PTPRM: variants seen among roughly 807,000 people sequenced by gnomAD.
PTPRM encodes the protein receptor-type tyrosine-protein phosphatase mu.
PTPRM carries 47 observed loss-of-function variants against 186.7 expected under a neutral mutation model. The observed-to-expected ratio is 0.25, with a 90% CI of 0.20 to 0.32. PTPRM has a LOEUF of 0.32. Ranked by LOEUF, PTPRM falls within the 10% of genes least tolerant of loss-of-function variation. The pLI is 1.00. For synonymous variants in PTPRM, 668 were observed against 674.9 expected, an observed-to-expected ratio of 0.99 and a Z score of 0.16; for missense variants, 1,494 against 1,865.0, an observed-to-expected ratio of 0.80 and a Z score of 3.66.
At chr18:8,339,978 C>A (rs1467745226) in intron 22 of PTPRM, among the ~76,000 whole-genome samples, 1 of 151,710 alleles carries the variant, frequency 6.6e-6, no homozygotes, top group Non-Finnish European at 1.5e-5. Context: ...CTATTTTCTA[C>A]CCTCAAAAAA....
At chr18:7,661,389 G>A (rs2038977454) in intron 1 of PTPRM, among the ~76,000 whole-genome samples, 1 of 152,182 alleles carries the variant, frequency 6.6e-6, no homozygotes, top group African/African-American at 2.4e-5. Flanking sequence ...TGCTCATGTG[G>A]GATTCTTGCC....
intron 1 of PTPRM, among the ~76,000 whole-genome samples, chr18:7,757,132 C>T (rs2041536921): frequency 1.3e-5 from 2 of 152,238 alleles, no homozygotes; most frequent in South Asian, 4.1e-4. Flanking sequence ...CCAGCTACAC[C>T]TTAAATGCCT....
chr18:7,711,960 C>T (rs1316879757), intron 1 of PTPRM, among the ~76,000 whole-genome samples: 1 of 152,166 alleles, frequency 6.6e-6, no homozygotes, highest in Non-Finnish European at 1.5e-5. Context: ...CAGCAAATCT[C>T]CTAGCACAGC....
chr18:7,734,632 A>G (rs2040729135), intron 1 of PTPRM, among the ~76,000 whole-genome samples: 1 of 152,186 alleles, frequency 6.6e-6, no homozygotes, highest in Non-Finnish European at 1.5e-5. Flanking sequence ...CAGATCTATT[A>G]CCTATGTTAA....
intron 14 of PTPRM, among the ~76,000 whole-genome samples, chr18:8,192,988 GA>G (rs955915397): frequency 4.6e-5 from 7 of 152,284 alleles, no homozygotes; most frequent in African/African-American, 1.4e-4. Flanking sequence ...AGCAGCTACA[GA>G]AAGCATGTGG....
At chr18:7,694,048 C>T (rs1365652251) in intron 1 of PTPRM, among the ~76,000 whole-genome samples, 1 of 152,190 alleles carries the variant, frequency 6.6e-6, no homozygotes, top group Non-Finnish European at 1.5e-5. Context: ...AGTCATGTTG[C>T]TTTCTGCCAT....
rs569556260 is a variant in PTPRM at position 7,904,446 on chromosome 18, G to T, written c.469-2059G>T. The stretch of plus-strand genomic sequence containing the variant: ...TCATCTTCCTCCATTCCTACCCCTG[G>T]CAACCACTAATTTGTCCTCCATTTC... On this transcript the variant is annotated intron_variant, in intron 3 of 32. Transcript: ENST00000580170. Among the ~76,000 whole-genome samples the T allele has an allele frequency of 3.9e-5, 6 of 152,134 alleles. No homozygotes were observed. The East Asian group carries it at 1.2e-3, about 29-fold the overall frequency.
At chr18:7,931,103 C>T (rs2146851159) in intron 5 of PTPRM, among the ~76,000 whole-genome samples, 1 of 152,158 alleles carries the variant, frequency 6.6e-6, no homozygotes, top group South Asian at 2.1e-4. Context: ...AACCTATATG[C>T]AATGCAGTTC....
intron 4 of PTPRM, among the ~76,000 whole-genome samples, chr18:7,922,203 T>C (rs1389864554): frequency 6.6e-6 from 1 of 152,188 alleles, no homozygotes; most frequent in Non-Finnish European, 1.5e-5. Flanking sequence ...ACCAGTAGTG[T>C]GGGAAGGCTG....
intron 14 of PTPRM, among the ~76,000 whole-genome samples, chr18:8,192,666 G>A (rs1333852307): frequency 6.6e-6 from 1 of 152,152 alleles, no homozygotes; most frequent in Non-Finnish European, 1.5e-5. Context: ...ACAGCATACT[G>A]TAATGCCAGG....
intron 2 of PTPRM, among the ~76,000 whole-genome samples, chr18:7,792,572 C>A (rs2043393860): frequency 6.6e-6 from 1 of 152,134 alleles, no homozygotes; most frequent in African/African-American, 2.4e-5. Flanking sequence ...ATATGACTGA[C>A]ACATAATACA....
intron 1 of PTPRM, among the ~76,000 whole-genome samples, chr18:7,716,776 A>G (rs1049145683): frequency 3.3e-5 from 5 of 152,220 alleles, no homozygotes; most frequent in African/African-American, 1.2e-4. Flanking sequence ...AACCACAATG[A>G]GATACCATCT....
chr18:7,586,218 T>A (rs1001156922), intron 1 of PTPRM, among the ~76,000 whole-genome samples: 1 of 152,164 alleles, frequency 6.6e-6, no homozygotes, highest in Non-Finnish European at 1.5e-5. Context: ...GCTGCATACA[T>A]CGTGGGCTTA....
chr18:7,832,062 G>A (rs1387978777), intron 2 of PTPRM, among the ~76,000 whole-genome samples: 1 of 152,134 alleles, frequency 6.6e-6, no homozygotes, highest in African/African-American at 2.4e-5. Context: ...AATTTTGGCT[G>A]TTGTCAGGAG....
chr18:7,747,673 TTG>T (rs1161326077), intron 1 of PTPRM: 1 of 152,262 alleles, frequency 6.6e-6, no homozygotes, highest in Admixed American at 6.5e-5. Context: ...GTGTGAATCT[TTG>T]TGTCTAAACT....
chr18:7,690,619 A>G (rs1042669769), intron 1 of PTPRM, among the ~76,000 whole-genome samples: 17 of 152,190 alleles, frequency 1.1e-4, no homozygotes, highest in African/African-American at 3.6e-4. Context: ...TATGTCTGAT[A>G]AGTGTTTTCA....
intron 24 of PTPRM, among the ~76,000 whole-genome samples, chr18:8,374,202 C>T (rs756849999): frequency 3.9e-5 from 6 of 152,030 alleles, no homozygotes; most frequent in South Asian, 2.1e-4. Context: ...TGATATTTAC[C>T]TTGCTCAGAA....
At chr18:7,798,020 A>G (rs1383168393) in intron 2 of PTPRM, among the ~76,000 whole-genome samples, 1 of 152,088 alleles carries the variant, frequency 6.6e-6, no homozygotes, top group African/African-American at 2.4e-5. Context: ...CTCTCTAATT[A>G]GATTAATTAA....
rs2039150605 is a variant in PTPRM, at chr18:7,668,648, C to G, written c.73+100757C>G. Reference sequence around the variant, plus strand: ...TCTCTGCCCCTCATGCAGCTGCCTCCTGCCAGTGGGGCCTCTGCTGCCTCA... The same window carrying G: ...TCTCTGCCCCTCATGCAGCTGCCTCGTGCCAGTGGGGCCTCTGCTGCCTCA... On this transcript the variant is annotated intron_variant, in intron 1 of 32. Coordinates refer to ENST00000580170, the MANE Select transcript of PTPRM (RefSeq NM_001105244.2). This position sits in a 1 kb window ranked among gnomAD's most constrained non-coding sequence, Gnocchi z 4.7. Among the ~76,000 whole-genome samples, 1 of 152,134 alleles carries G rather than the reference C, an allele frequency of 6.6e-6. No homozygotes were observed. The highest frequency in any genetic ancestry group is 1.5e-5 in the Non-Finnish European group (1 of 68,020).
Sources: allele counts gnomAD v4.1 joint callset (sites outside exome capture counted in the v4.1 genomes callset), GRCh38; gene constraint gnomAD v4.1.1; non-coding constraint Gnocchi (gnomAD v3.1); transcripts MANE v1.5; gene names NCBI Gene and HGNC (gene_info 2026-07-23, HGNC 2026-07-21).